The following TANC2 variants were observed in gnomAD, a reference collection of about 807,000 sequenced individuals.
TANC2 encodes the protein tetratricopeptide repeat, ankyrin repeat and coiled-coil containing 2, also known as protein TANC2.
In TANC2, 26 loss-of-function variants were observed where a neutral mutation model predicts 210.5. The observed-to-expected ratio is 0.12, with a 90% CI of 0.09 to 0.17. The LOEUF is 0.17. TANC2 is among the 10% of genes least tolerant of loss of function. The probability of loss-of-function intolerance (pLI) is 1.00; values close to 1 mark genes in which losing one functional copy is unlikely to be tolerated. For synonymous variants in TANC2, 931 were observed against 967.1 expected (o/e 0.96, Z 0.69); for missense variants, 2,129 against 2,608.9 (o/e 0.82, Z 4.01).
At chr17:63,376,036 G>T (rs1054879175) in intron 14 of TANC2, among the ~76,000 whole-genome samples, 1 of 151,414 alleles carries the variant, frequency 6.6e-6, no homozygotes, top group African/African-American at 2.4e-5. Flanking sequence ...GCAGTGAGCC[G>T]AGATCACACC....
intron 7 of TANC2, among the ~76,000 whole-genome samples, chr17:63,232,246 T>G (rs1198506813): frequency 2.0e-5 from 3 of 152,244 alleles, no homozygotes; most frequent in Non-Finnish European, 2.9e-5. Flanking sequence ...TTCTGAAGTC[T>G]ACTTCTGTCA....
intron 12 of TANC2, among the ~76,000 whole-genome samples, chr17:63,344,049 G>A (rs1485766206): frequency 2.0e-5 from 3 of 152,186 alleles, no homozygotes; most frequent in Non-Finnish European, 4.4e-5. Flanking sequence ...ATATAGGTCC[G>A]TGGCCTGTTA....
intron 4 of TANC2, among the ~76,000 whole-genome samples, chr17:63,107,323 A>G (rs1010420979): frequency 2.0e-5 from 3 of 151,734 alleles, no homozygotes; most frequent in South Asian, 2.1e-4. Context: ...TGAAAAATAT[A>G]TACCAAATAA....
chr17:63,377,239 A>C (rs2047454551), intron 14 of TANC2, among the ~76,000 whole-genome samples: 1 of 152,172 alleles, frequency 6.6e-6, no homozygotes, highest in South Asian at 2.1e-4. Flanking sequence ...TTGGTGATTC[A>C]ACATTTGACT....
At chr17:63,358,625 A>AT (rs2046860257) in intron 14 of TANC2, among the ~76,000 whole-genome samples, 1 of 152,164 alleles carries the variant, frequency 6.6e-6, no homozygotes, top group Non-Finnish European at 1.5e-5. Context: ...CGGAGATATC[A>AT]GATTAACTCA....
chr17:63,014,743 A>G (rs1271260073), intron 2 of TANC2, among the ~76,000 whole-genome samples: 1 of 152,188 alleles, frequency 6.6e-6, no homozygotes, highest in African/African-American at 2.4e-5. Flanking sequence ...TTAAGGTTCT[A>G]CTGTAGTATT....
chr17:63,332,049 A>G (rs554432771), intron 11 of TANC2: 4 of 297,392 alleles, frequency 1.3e-5, no homozygotes, highest in South Asian at 1.2e-4. Flanking sequence ...AATGATATCA[A>G]TTATGCCATC....
At chr17:63,179,279 A>G (rs548086700) in intron 5 of TANC2, among the ~76,000 whole-genome samples, 2 of 152,336 alleles carry the variant, frequency 1.3e-5, no homozygotes, top group South Asian at 4.1e-4. Flanking sequence ...GTACTTAATA[A>G]TCACAGTTTT....
At position 63,123,303 on chromosome 17, in the gene TANC2, A is replaced by G. The variant is rs958288533; in HGVS notation, c.322+23946A>G. On this transcript the variant is annotated intron_variant, in intron 4 of 27. Transcript: ENST00000689528. ...CCAGGCGCGGTGGCTCACGCCTGTA[A>G]TCCCAGCACTTTGGGAGGCTGAGGC... Among the ~76,000 whole-genome samples, 9 of 152,296 alleles carry G rather than the reference A, an allele frequency of 5.9e-5. No individual in the cohort carries two copies. The East Asian group carries it at 1.5e-3, about 26-fold the overall frequency.
chr17:63,379,897 A>G (rs918458770), intron 15 of TANC2, 71 bp downstream of exon 15: 20 of 1,315,098 alleles, frequency 1.5e-5, no homozygotes, highest in Non-Finnish European at 2.0e-5. Flanking sequence ...GTAAGAGACT[A>G]TTTCAGTGTA....
Position 63,195,598 on chromosome 17 carries a change from C to T in TANC2, c.582+1459C>T, listed in dbSNP as rs150838762. ...GGATTTTTGCCTATTCTACCCGTTG[C>T]CGTATCCTCTGCCCCTAGAACATTA... is the stretch of plus-strand genomic sequence containing the variant. On this transcript the variant is annotated intron_variant, in intron 6 of 27. Coordinates refer to ENST00000689528, the Ensembl canonical transcript of TANC2. Among the ~76,000 whole-genome samples the T allele has an allele frequency of 5.3e-3, 811 of 152,234 alleles. 6 individuals carry two copies. The highest frequency in any genetic ancestry group is 0.027 in the Middle Eastern group (8 of 294).
chr17:63,155,369 C>A (rs923002886), intron 5 of TANC2: 3 of 152,108 alleles, frequency 2.0e-5, no homozygotes, highest in African/African-American at 7.2e-5. Flanking sequence ...TTATACTTTT[C>A]TGCATTTTCT....
chr17:63,027,794 A>G (rs1436729270), intron 2 of TANC2, among the ~76,000 whole-genome samples: 1 of 152,112 alleles, frequency 6.6e-6, no homozygotes, highest in Non-Finnish European at 1.5e-5. Context: ...TTTGTCCTCA[A>G]GGGTCTCTAG....
At chr17:63,071,619 T>C (rs2036401105) in intron 2 of TANC2, among the ~76,000 whole-genome samples, 1 of 152,176 alleles carries the variant, frequency 6.6e-6, no homozygotes, top group African/African-American at 2.4e-5. Flanking sequence ...GTAGAATGAA[T>C]AGACAGAGAC....
At chr17:63,396,854 T>TAC (rs1161490462) in intron 18 of TANC2, 3 of 152,118 alleles carry the variant, frequency 2.0e-5, no homozygotes, top group Non-Finnish European at 2.9e-5. Flanking sequence ...AAAAAAACTG[T>TAC]TGTTATCCTC....
At chr17:63,103,600 G>T (rs1433319801) in intron 4 of TANC2, among the ~76,000 whole-genome samples, 1 of 152,072 alleles carries the variant, frequency 6.6e-6, no homozygotes, top group Non-Finnish European at 1.5e-5. Context: ...GACTTCATGG[G>T]TGTTTGTCTT....
intron 6 of TANC2, among the ~76,000 whole-genome samples, chr17:63,194,437 A>G (rs1409376861): frequency 6.6e-6 from 1 of 152,216 alleles, no homozygotes; most frequent in East Asian, 1.9e-4. Context: ...TTTCAAGTGC[A>G]TGTGGATTAT....
chr17:63,226,657 T>C (rs1378684541), intron 7 of TANC2, among the ~76,000 whole-genome samples: 1 of 152,192 alleles, frequency 6.6e-6, no homozygotes, highest in African/African-American at 2.4e-5. Context: ...GTTTTTTACG[T>C]AGGGAAATGT....
At chr17:63,115,186 G>A (rs1334033263) in intron 4 of TANC2, among the ~76,000 whole-genome samples, 3 of 152,118 alleles carry the variant, frequency 2.0e-5, no homozygotes, top group African/African-American at 7.2e-5. Flanking sequence ...CAATATTTGA[G>A]TTAAAAAACT....
Sources: allele counts gnomAD v4.1 joint callset (sites outside exome capture counted in the v4.1 genomes callset), GRCh38; gene constraint gnomAD v4.1.1; transcripts MANE v1.5; gene names NCBI Gene and HGNC (gene_info 2026-07-23, HGNC 2026-07-21).